CTNNA2: variants seen among roughly 807,000 people sequenced by gnomAD.
The protein encoded by CTNNA2 is catenin alpha-2.
In CTNNA2, 42 loss-of-function variants were observed where a neutral mutation model predicts 101.0. The observed-to-expected ratio is 0.42, with a 90% confidence interval of 0.32 to 0.54. The LOEUF (loss-of-function observed/expected upper bound fraction) is 0.54. Among genes scored for constraint, CTNNA2 ranks in the 20% least tolerant of loss-of-function variants. CTNNA2 has a pLI of 0.14. For missense variants in CTNNA2, 871 were observed against 1,223.1 expected (o/e 0.71, Z 4.29); for synonymous variants, 450 against 456.4 (o/e 0.99, Z 0.18).
chr2:80,403,233 C>T (rs1358471519), intron 8 of CTNNA2, among the ~76,000 whole-genome samples: 1 of 152,110 alleles, frequency 6.6e-6, no homozygotes, highest in East Asian at 1.9e-4. Flanking sequence ...CATGGACGAA[C>T]CTCTTGTTAG....
rs894231323 is a variant in CTNNA2, at chr2:79,682,717, C to T, written c.102+31059C>T. Among the ~76,000 whole-genome samples the T allele has an allele frequency of 7.2e-5, 11 of 152,132 alleles. No homozygotes were observed. In the South Asian group the frequency reaches 1.2e-3, roughly 17 times the overall value. On this transcript the variant is annotated intron_variant, in intron 2 of 18. Coordinates refer to ENST00000402739, the MANE Select transcript of CTNNA2 (RefSeq NM_001282597.3). ...AAAAAATTTTAAATGGAGCTTATCA[C>T]GTTTGTGCTTTGGTATTTTTTATTT...
At chr2:80,163,023 AG>A (rs1417702697) in intron 7 of CTNNA2, 45 of 1,561,876 alleles carry the variant, frequency 2.9e-5, no homozygotes, top group Non-Finnish European at 3.1e-5. Context: ...CCTTCCATAA[AG>A]TTTGATTCCA....
At position 79,886,548 on chromosome 2, in the gene CTNNA2, A is replaced by G. The variant is rs184291052; in HGVS notation, c.852+12206A>G. Reference sequence around the variant, plus strand: ...GGGCGGATCACGAGGTCAGGAGATCAAGACCATCCTGGCTAACATGGTGAA... The same window carrying G: ...GGGCGGATCACGAGGTCAGGAGATCGAGACCATCCTGGCTAACATGGTGAA... On this transcript the variant is annotated intron_variant, in intron 6 of 18. Transcript: ENST00000402739. Among the ~76,000 whole-genome samples the G allele has an allele frequency of 8.7e-3, 1,312 of 151,654 alleles. 19 individuals carry two copies. The highest frequency in any genetic ancestry group is 0.03 in the African/African-American group (1,256 of 41,376).
intron 7 of CTNNA2, among the ~76,000 whole-genome samples, chr2:80,116,558 G>T (rs1178848557): frequency 6.6e-6 from 1 of 152,112 alleles, no homozygotes; most frequent in Non-Finnish European, 1.5e-5. Flanking sequence ...TGGCAGAAAT[G>T]AGATGAATCT....
At chr2:80,037,708 T>A (rs1393765494) in intron 7 of CTNNA2, among the ~76,000 whole-genome samples, 1 of 152,182 alleles carries the variant, frequency 6.6e-6, no homozygotes, top group East Asian at 1.9e-4. Context: ...TAGCAATGGT[T>A]CAATAAATGT....
chr2:79,648,801 A>G (rs2104459950), intron 1 of CTNNA2, among the ~76,000 whole-genome samples: 1 of 152,322 alleles, frequency 6.6e-6, no homozygotes, highest in Non-Finnish European at 1.5e-5. Flanking sequence ...TATGGGGTAG[A>G]GACAGAATTC....
At chr2:80,205,278 GA>G (rs199505266) in intron 7 of CTNNA2, among the ~76,000 whole-genome samples, 3 of 151,364 alleles carry the variant, frequency 2.0e-5, no homozygotes, top group South Asian at 2.1e-4. Flanking sequence ...TAATGAAAAA[GA>G]AAAAAAACCA....
intron 4 of CTNNA2, among the ~76,000 whole-genome samples, chr2:79,452,367 C>T (rs973063866): frequency 3.3e-5 from 5 of 151,706 alleles, no homozygotes; most frequent in Non-Finnish European, 5.9e-5. Flanking sequence ...AAATATCTCC[C>T]GCCTCTGCTT....
At chr2:79,427,429 A>G (rs1678604577) in intron 4 of CTNNA2, among the ~76,000 whole-genome samples, 2 of 151,954 alleles carry the variant, frequency 1.3e-5, no homozygotes, top group African/African-American at 4.8e-5. Context: ...ATTTCTTTCA[A>G]TGCATTTTAA....
chr2:80,364,901 G>A lies in CTNNA2; in HGVS notation c.1057-28310G>A, dbSNP rs147566218. 3.3e-5 allele frequency among the ~76,000 whole-genome samples: 5 copies of A among 152,222 alleles called. No homozygotes were observed. The East Asian group carries it at 9.7e-4, about 29-fold the overall frequency. On this transcript the variant is annotated intron_variant, in intron 7 of 18. Coordinates refer to ENST00000402739, the MANE Select transcript of CTNNA2 (RefSeq NM_001282597.3). ...TTGATATGTAGCTGGGCTCTAGAGGGGAGAACAGGGAAGAAACTCGGGTTT... is the reference window on the plus strand; with the variant it reads ...TTGATATGTAGCTGGGCTCTAGAGGAGAGAACAGGGAAGAAACTCGGGTTT...
At chr2:80,552,098 A>C (rs1158151053) in intron 11 of CTNNA2, among the ~76,000 whole-genome samples, 1 of 152,184 alleles carries the variant, frequency 6.6e-6, no homozygotes, top group Admixed American at 6.5e-5. Flanking sequence ...CCCGACATTT[A>C]TTGTTTGCCT....
intron 8 of CTNNA2, among the ~76,000 whole-genome samples, chr2:80,417,521 A>G (rs894590547): frequency 3.3e-5 from 5 of 151,500 alleles, no homozygotes; most frequent in Middle Eastern, 3.2e-3. Flanking sequence ...TGGATTTGAA[A>G]CTTTTCTTAT....
intron 2 of CTNNA2, among the ~76,000 whole-genome samples, chr2:79,303,672 G>A (rs1021469183): frequency 6.6e-6 from 1 of 151,966 alleles, no homozygotes; most frequent in African/African-American, 2.4e-5. Context: ...GAAAGGGTTA[G>A]GTTCAGCCGT....
chr2:80,331,728 G>C (rs72912803), intron 7 of CTNNA2, among the ~76,000 whole-genome samples: 2,058 of 152,242 alleles, frequency 0.014, 41 homozygotes, highest in African/African-American at 0.045. Flanking sequence ...CCCGATGACA[G>C]ATAAAAGATG....
At chr2:79,635,125 G>A (rs753295952) in intron 1 of CTNNA2, among the ~76,000 whole-genome samples, 32 of 152,272 alleles carry the variant, frequency 2.1e-4, no homozygotes, top group African/African-American at 4.1e-4. Flanking sequence ...TTAAGGCAGC[G>A]GTGGTGGAGA....
intron 7 of CTNNA2, among the ~76,000 whole-genome samples, chr2:80,201,449 C>T (rs1707206250): frequency 1.4e-5 from 2 of 142,938 alleles, no homozygotes; most frequent in South Asian, 2.3e-4. Flanking sequence ...ACTCGGCTCA[C>T]TGCAAGCTCC....
chr2:79,544,721 A>C (rs2104009997), intron 1 of CTNNA2, among the ~76,000 whole-genome samples: 1 of 152,286 alleles, frequency 6.6e-6, no homozygotes, highest in South Asian at 2.1e-4. Context: ...TCACTTCTTA[A>C]ATTCTAGGAG....
intron 9 of CTNNA2, among the ~76,000 whole-genome samples, chr2:80,465,949 A>G (rs1684817700): frequency 1.3e-5 from 2 of 152,162 alleles, no homozygotes; most frequent in South Asian, 4.1e-4. Context: ...TGTGTCTCAC[A>G]TAGTTGGTTA....
At chr2:79,267,232 TA>T (rs559171810) in intron 2 of CTNNA2, among the ~76,000 whole-genome samples, 2 of 152,038 alleles carry the variant, frequency 1.3e-5, no homozygotes, top group East Asian at 1.9e-4. Context: ...ATAGATGCTA[TA>T]AAAAAATACC....
Sources: allele counts gnomAD v4.1 joint callset (sites outside exome capture counted in the v4.1 genomes callset), GRCh38; gene constraint gnomAD v4.1.1; transcripts MANE v1.5; gene names NCBI Gene and HGNC (gene_info 2026-07-23, HGNC 2026-07-21).